Variants in TRAF3IP1 observed in about 807,000 individuals in gnomAD.
TRAF3IP1 encodes intraflagellar transport 54.
Under a neutral mutation model 89.9 loss-of-function variants are expected in TRAF3IP1, and 53 were observed. That is an observed-to-expected ratio of 0.59 (90% CI 0.47 to 0.74). The LOEUF (loss-of-function observed/expected upper bound fraction) is 0.74. TRAF3IP1 is among the 30% of genes least tolerant of loss of function. The pLI is 0.00. For missense variants in TRAF3IP1, 806 were observed against 866.1 expected (o/e 0.93, Z 0.87); for synonymous variants, 311 against 322.1 (o/e 0.97, Z 0.37).
At chr2:238,384,407 C>G (rs992217710) in intron 15 of TRAF3IP1, among the ~76,000 whole-genome samples, 1 of 151,466 alleles carries the variant, frequency 6.6e-6, no homozygotes, top group South Asian at 2.1e-4. Flanking sequence ...GAGTCTTGCT[C>G]TGTTGGCCAG....
chr2:238,383,526 C>T (rs1322157253), intron 15 of TRAF3IP1, among the ~76,000 whole-genome samples: 12 of 152,208 alleles, frequency 7.9e-5, no homozygotes, highest in Non-Finnish European at 1.8e-4. Flanking sequence ...GACTTTGGTG[C>T]TGGTGTGCTT....
At chr2:238,333,009 C>T (rs1698205813) in intron 6 of TRAF3IP1, 114 bp downstream of exon 6, 2 of 755,706 alleles carry the variant, frequency 2.6e-6, no homozygotes, top group Non-Finnish European at 4.6e-6. Flanking sequence ...TGGTCTGGGC[C>T]TATCTGTAAT....
chr2:238,370,486 C>T (rs1700066123), intron 15 of TRAF3IP1, among the ~76,000 whole-genome samples: 1 of 152,022 alleles, frequency 6.6e-6, no homozygotes, highest in South Asian at 2.1e-4. Context: ...AATGTCTGTG[C>T]CCTCCCTACC....
At chr2:238,350,428 T>C (rs537517704) in intron 12 of TRAF3IP1, among the ~76,000 whole-genome samples, 1 of 152,174 alleles carries the variant, frequency 6.6e-6, no homozygotes, top group South Asian at 2.1e-4. Flanking sequence ...CTGGTACTTA[T>C]TTTTCTCATG....
chr2:238,353,289 C>T, intron 14 of TRAF3IP1, 80 bp downstream of exon 14: 1 of 1,497,712 alleles, frequency 6.7e-7, no homozygotes, highest in South Asian at 1.2e-5. Flanking sequence ...TGGAAGGATC[C>T]AGTGCAAGGG....
chr2:238,364,085 A>G (rs1356170126), intron 15 of TRAF3IP1, among the ~76,000 whole-genome samples: 1 of 152,256 alleles, frequency 6.6e-6, no homozygotes, highest in Non-Finnish European at 1.5e-5. Flanking sequence ...ATTAAAAAAT[A>G]CAAAACAGGT....
chr2:238,396,235 T>C (rs1701209572), intron 15 of TRAF3IP1, among the ~76,000 whole-genome samples: 1 of 151,858 alleles, frequency 6.6e-6, no homozygotes, highest in Non-Finnish European at 1.5e-5. Flanking sequence ...TGTAGGGACA[T>C]GGATGAAACT....
At chr2:238,382,123 C>T (rs1256001705) in intron 15 of TRAF3IP1, among the ~76,000 whole-genome samples, 5 of 152,082 alleles carry the variant, frequency 3.3e-5, no homozygotes, top group Non-Finnish European at 4.4e-5. Flanking sequence ...GCCATGGGGA[C>T]ATGTGAGAGA....
At chr2:238,331,007 T>C (rs894799861) in intron 5 of TRAF3IP1, among the ~76,000 whole-genome samples, 2 of 152,006 alleles carry the variant, frequency 1.3e-5, no homozygotes, top group South Asian at 4.1e-4. Context: ...GAGGCACTAG[T>C]ATATTCGGGT....
intron 14 of TRAF3IP1, among the ~76,000 whole-genome samples, chr2:238,354,904 C>A (rs914762698): frequency 1.3e-5 from 2 of 151,728 alleles, no homozygotes; most frequent in African/African-American, 4.8e-5. Context: ...CCCCCTTGGC[C>A]TCCCAAAGCG....
intron 9 of TRAF3IP1, among the ~76,000 whole-genome samples, chr2:238,344,914 C>T (rs565843341): frequency 7.1e-4 from 108 of 152,304 alleles, no homozygotes; most frequent in African/African-American, 2.4e-3. Flanking sequence ...CCCCACCAGT[C>T]AAGAGGTGTA....
chr2:238,387,682 G>A (rs1022903112), intron 15 of TRAF3IP1, among the ~76,000 whole-genome samples: 3 of 152,146 alleles, frequency 2.0e-5, no homozygotes, highest in Non-Finnish European at 4.4e-5. Flanking sequence ...CCCAAATGTT[G>A]TCCGTCAGTG....
chr2:238,348,222 A>G (rs963938600), intron 10 of TRAF3IP1, among the ~76,000 whole-genome samples: 15 of 152,114 alleles, frequency 9.9e-5, no homozygotes, highest in South Asian at 4.1e-4. Flanking sequence ...AAAGAACAAA[A>G]ATTAAAAGCA....
In TRAF3IP1 at chr2:238,399,879, G is replaced by A. The variant is rs1241385404; in HGVS notation, c.*960G>A. 6.6e-6 allele frequency: 1 copy of A among 152,114 alleles called. No homozygotes were observed. Among genetic ancestry groups the A allele is most frequent in the Admixed American group, 6.5e-5 (1 of 15,270 alleles). The allele number at this position is 152,114 out of a possible 1,614,324, so 9.4% of individuals were successfully genotyped here. A position where few individuals can be genotyped will look rare whatever the true frequency, so the allele number is the denominator to read the frequency against. On this transcript the variant is annotated 3_prime_UTR_variant, in exon 17 of 17. Coordinates refer to ENST00000373327, the MANE Select transcript of TRAF3IP1 (RefSeq NM_015650.4). ...TTGGAAATTGTTTTTTAAAGCAAAAGTTTTTTAAAAACATGGTTTATAGTT... is the reference window on the plus strand; with the variant it reads ...TTGGAAATTGTTTTTTAAAGCAAAAATTTTTTAAAAACATGGTTTATAGTT...
rs1218396717 is a variant in TRAF3IP1 at position 238,320,802 on chromosome 2, G to A, written c.123+17G>A. 2 of 1,395,134 alleles carry A rather than the reference G, an allele frequency of 1.4e-6. No individual in the cohort carries two copies. The highest frequency in any genetic ancestry group is 9.5e-7 in the Non-Finnish European group (1 of 1,057,756). The allele number at this position is 1,395,134 out of a possible 1,614,324, so 86.4% of individuals were successfully genotyped here. A position where few individuals can be genotyped will look rare whatever the true frequency, so the allele number is the denominator to read the frequency against. On this transcript the variant is annotated intron_variant, in intron 1 of 16. Coordinates refer to ENST00000373327, the MANE Select transcript of TRAF3IP1 (RefSeq NM_015650.4). Reference sequence around the variant, plus strand: ...ATCACGGAGGTGGGCGCCGGGGACCGGGCCCGGCCAGGTGCGGGTCGGGAT... The same window carrying A: ...ATCACGGAGGTGGGCGCCGGGGACCAGGCCCGGCCAGGTGCGGGTCGGGAT...
chr2:238,382,452 A>T (rs1700586888), intron 15 of TRAF3IP1, among the ~76,000 whole-genome samples: 1 of 152,228 alleles, frequency 6.6e-6, no homozygotes, highest in African/African-American at 2.4e-5. Context: ...GAAAAATTTC[A>T]CGATTGTAAA....
chr2:238,347,568 T>C (rs1313747334), intron 10 of TRAF3IP1, 93 bp downstream of exon 10: 8 of 1,276,488 alleles, frequency 6.3e-6, no homozygotes, highest in Non-Finnish European at 7.9e-6. Context: ...CTTTATAAAG[T>C]GCATTAGTGA....
chr2:238,396,834 A>G (rs910898991), intron 15 of TRAF3IP1, among the ~76,000 whole-genome samples: 3 of 152,134 alleles, frequency 2.0e-5, no homozygotes, highest in Non-Finnish European at 2.9e-5. Context: ...CTGAGCGGCC[A>G]GCACAGTCAC....
chr2:238,347,502 T>C (rs1312869892), intron 10 of TRAF3IP1, 27 bp downstream of exon 10: 1 of 1,613,398 alleles, frequency 6.2e-7, no homozygotes, highest in Non-Finnish European at 8.5e-7. Flanking sequence ...GATACCTGTG[T>C]GTCATATCAA....
Sources: allele counts gnomAD v4.1 joint callset (sites outside exome capture counted in the v4.1 genomes callset), GRCh38; gene constraint gnomAD v4.1.1; transcripts MANE v1.5; gene names NCBI Gene and HGNC (gene_info 2026-07-23, HGNC 2026-07-21).